Variants in MGMT observed in about 807,000 individuals in gnomAD.
MGMT encodes the protein O-6-methylguanine-DNA methyltransferase.
A neutral mutation model predicts 15.9 loss-of-function variants in MGMT; 14 were observed. The observed-to-expected ratio is 0.88, with a 90% confidence interval of 0.58 to 1.37. MGMT has a LOEUF of 1.37. Ranked by LOEUF, MGMT falls within the 40% of genes most tolerant of loss-of-function variation. The pLI, the probability that MGMT is intolerant of heterozygous loss-of-function variation, is 0.00. For synonymous variants in MGMT, 130 were observed against 118.2 expected (o/e 1.10, Z -0.65); for missense variants, 282 against 268.1 (o/e 1.05, Z -0.36).
chr10:129,473,063 C>G (rs1256898904), intron 1 of MGMT, among the ~76,000 whole-genome samples: 1 of 152,096 alleles, frequency 6.6e-6, no homozygotes, highest in African/African-American at 2.4e-5. Flanking sequence ...GCTGATAGCC[C>G]GAGACACTGG....
At chr10:129,600,644 A>G (rs1846809865) in intron 2 of MGMT, among the ~76,000 whole-genome samples, 1 of 152,156 alleles carries the variant, frequency 6.6e-6, no homozygotes, top group Non-Finnish European at 1.5e-5. Context: ...AAATTAAATT[A>G]ATCAAGTGAG....
intron 2 of MGMT, among the ~76,000 whole-genome samples, chr10:129,680,763 G>T (rs1847842724): frequency 6.6e-6 from 1 of 152,218 alleles, no homozygotes; most frequent in African/African-American, 2.4e-5. Flanking sequence ...CCCCCGTGGG[G>T]ACGTGGCTGC....
intron 3 of MGMT, among the ~76,000 whole-genome samples, chr10:129,757,468 G>C (rs957877487): frequency 2.0e-5 from 3 of 152,164 alleles, no homozygotes; most frequent in Admixed American, 2.0e-4. Flanking sequence ...CTAACGGAAA[G>C]CACAGAAAAC....
At chr10:129,579,378 G>T (rs945857761) in intron 2 of MGMT, among the ~76,000 whole-genome samples, 1 of 152,202 alleles carries the variant, frequency 6.6e-6, no homozygotes, top group Admixed American at 6.5e-5. Context: ...TGGGTCAGGA[G>T]CATGGCATGG....
chr10:129,511,968 T>C (rs1306161180), intron 1 of MGMT, among the ~76,000 whole-genome samples: 1 of 152,228 alleles, frequency 6.6e-6, no homozygotes, highest in East Asian at 1.9e-4. Flanking sequence ...TGAGTCTGGC[T>C]GTCCTCTTTC....
At chr10:129,508,335 G>A (rs1288413326) in intron 1 of MGMT, among the ~76,000 whole-genome samples, 2 of 152,106 alleles carry the variant, frequency 1.3e-5, no homozygotes, top group African/African-American at 2.4e-5. Flanking sequence ...CCAGGGGTTG[G>A]CAGGGGAAGG....
chr10:129,739,781 T>G (rs767661421), intron 3 of MGMT, among the ~76,000 whole-genome samples: 2 of 150,882 alleles, frequency 1.3e-5, no homozygotes, highest in Admixed American at 6.6e-5. Flanking sequence ...TTTTTTATGA[T>G]TTTTTTTAAC....
chr10:129,608,818 C>T (rs1255576597), intron 2 of MGMT, among the ~76,000 whole-genome samples: 1 of 152,242 alleles, frequency 6.6e-6, no homozygotes, highest in African/African-American at 2.4e-5. Flanking sequence ...CGCGTGCTCC[C>T]CAGCTGAGGC....
intron 2 of MGMT, among the ~76,000 whole-genome samples, chr10:129,655,369 G>A (rs1355334464): frequency 3.3e-5 from 5 of 152,202 alleles, no homozygotes; most frequent in African/African-American, 1.2e-4. Flanking sequence ...AGACTCAGTT[G>A]AAGACACATT....
chr10:129,612,101 AAGTCCAGGGGACTTCC>A (rs1846967927), intron 2 of MGMT, among the ~76,000 whole-genome samples: 3 of 152,170 alleles, frequency 2.0e-5, no homozygotes, highest in South Asian at 4.1e-4. Flanking sequence ...GGACACCTTG[AAGTCCAGGGGACTTCC>A]AGCTTATAGG....
At chr10:129,702,903 G>C (rs745314076) in intron 2 of MGMT, among the ~76,000 whole-genome samples, 1 of 152,178 alleles carries the variant, frequency 6.6e-6, no homozygotes, top group Non-Finnish European at 1.5e-5. Context: ...GAACTCCCCC[G>C]TGATAAGCGC....
intron 3 of MGMT, among the ~76,000 whole-genome samples, chr10:129,759,000 C>T (rs1722416395): frequency 1.3e-5 from 2 of 152,238 alleles, no homozygotes; most frequent in African/African-American, 4.8e-5. Context: ...TCCAAGGGGC[C>T]AGCCTGCATG....
intron 3 of MGMT, chr10:129,718,002 G>A (rs969684068): frequency 3.3e-5 from 5 of 152,200 alleles, no homozygotes; most frequent in African/African-American, 1.2e-4. Flanking sequence ...TTGCCCCCAG[G>A]ATGTTTCTCT....
intron 2 of MGMT, among the ~76,000 whole-genome samples, chr10:129,594,752 C>T (rs981328068): frequency 1.2e-4 from 18 of 152,212 alleles, no homozygotes; most frequent in Admixed American, 8.5e-4. Flanking sequence ...CTCTCTCCTA[C>T]CACAGATACT....
At chr10:129,489,168 A>G (rs1424672384) in intron 1 of MGMT, among the ~76,000 whole-genome samples, 1 of 151,980 alleles carries the variant, frequency 6.6e-6, no homozygotes, top group Non-Finnish European at 1.5e-5. Flanking sequence ...AGACCAGTCT[A>G]GCCAACATAG....
rs1847565039 is a variant in MGMT, at chr10:129,659,028, A to G, written c.126-48867A>G. Among the ~76,000 whole-genome samples the G allele has an allele frequency of 6.6e-6, 1 of 152,140 alleles. No individual in the cohort carries two copies. Among genetic ancestry groups the G allele is most frequent in the African/African-American group, 2.4e-5 (1 of 41,402 alleles). On this transcript the variant is annotated intron_variant, in intron 2 of 4. Transcript: ENST00000651593. The surrounding 1 kb of genome is among the most constrained non-coding windows in gnomAD (Gnocchi z 4.1). The stretch of plus-strand genomic sequence containing the variant: ...TTTGTGGCTGCAACAATAACAAAAA[A>G]AAATCCTTGGTTCTGATGACTTCAT...
intron 3 of MGMT, among the ~76,000 whole-genome samples, chr10:129,738,732 A>G (rs770783297): frequency 5.9e-5 from 9 of 152,214 alleles, no homozygotes; most frequent in Admixed American, 4.6e-4. Flanking sequence ...GGTACAAAGA[A>G]GAGCTGGTAC....
Position 129,646,735 on chromosome 10 carries a change from TATATATA to T in MGMT, c.126-61159_126-61153del, listed in dbSNP as rs1289854494. Among the ~76,000 whole-genome samples, 440 of 103,662 alleles carry T rather than the reference TATATATA, an allele frequency of 4.2e-3. 17 individuals are homozygous for T. The highest frequency in any genetic ancestry group is 6.6e-3 in the Non-Finnish European group (321 of 48,752). 68.0% of individuals were successfully genotyped at this position (103,662 alleles called of 152,430 possible). On this transcript the variant is annotated intron_variant, in intron 2 of 4. Transcript: ENST00000651593. ...CCCATCAGAAATATATATATATATA[TATATATA>T]TATATATATATATTTTCAGGGAATG...
chr10:129,528,795 CAAGG>C (rs989914308), intron 1 of MGMT, among the ~76,000 whole-genome samples: 33 of 152,078 alleles, frequency 2.2e-4, no homozygotes, highest in Admixed American at 1.8e-3. Context: ...TCTGCCATGT[CAAGG>C]AAGGAAGGGT....
Sources: allele counts gnomAD v4.1 joint callset (sites outside exome capture counted in the v4.1 genomes callset), GRCh38; gene constraint gnomAD v4.1.1; non-coding constraint Gnocchi (gnomAD v3.1); transcripts MANE v1.5; gene names NCBI Gene and HGNC (gene_info 2026-07-23, HGNC 2026-07-21).